ACYP2: variants seen among roughly 807,000 people sequenced by gnomAD.
ACYP2 encodes acylphosphatase 2.
Under a neutral mutation model 11.2 loss-of-function variants are expected in ACYP2, and 12 were observed. The ratio of observed to expected loss-of-function variants is 1.08; its 90% CI spans 0.69 to 1.74. The LOEUF is 1.74. Ranked by LOEUF, ACYP2 falls within the 40% of genes most tolerant of loss-of-function variation. The pLI, the probability that ACYP2 is intolerant of heterozygous loss-of-function variation, is 0.00. For synonymous variants in ACYP2, 43 were observed against 32.2 expected, an observed-to-expected ratio of 1.33 and a Z score of -1.13; for missense variants, 134 against 101.9, an observed-to-expected ratio of 1.31 and a Z score of -1.35.
intron 6 of ACYP2, among the ~76,000 whole-genome samples, chr2:54,187,938 T>C (rs1285898422): frequency 1.3e-5 from 2 of 152,186 alleles, no homozygotes; most frequent in African/African-American, 4.8e-5. Context: ...TACGTTTCTT[T>C]TCCTCTTCTG....
At chr2:54,075,126 C>A (rs1677259490) in intron 4 of ACYP2, among the ~76,000 whole-genome samples, 1 of 152,130 alleles carries the variant, frequency 6.6e-6, no homozygotes, top group South Asian at 2.1e-4. Context: ...TAGCTATTCA[C>A]AATAAAAGTT....
At chr2:54,294,862 G>C (rs1689456240) in intron 6 of ACYP2, among the ~76,000 whole-genome samples, 1 of 151,696 alleles carries the variant, frequency 6.6e-6, no homozygotes, top group Non-Finnish European at 1.5e-5. Flanking sequence ...GCCACAGTGA[G>C]TCATGATCAC....
At chr2:54,090,827 C>T (rs1030441935) in intron 4 of ACYP2, among the ~76,000 whole-genome samples, 10 of 152,264 alleles carry the variant, frequency 6.6e-5, no homozygotes, top group African/African-American at 1.4e-4. Flanking sequence ...ACTCCATGCA[C>T]GGGACTTCTT....
At chr2:54,249,884 T>G (rs980567284) in intron 6 of ACYP2, among the ~76,000 whole-genome samples, 1 of 135,772 alleles carries the variant, frequency 7.4e-6, no homozygotes. Context: ...GAGGCTGCAG[T>G]GAGCTGTGAT....
intron 6 of ACYP2, among the ~76,000 whole-genome samples, chr2:54,165,584 C>T (rs542680717): frequency 2.4e-4 from 35 of 146,866 alleles, no homozygotes; most frequent in African/African-American, 7.8e-4. Flanking sequence ...TTAGAGACAA[C>T]CAAAGTCTTC....
At chr2:54,001,695 A>G (rs538097114) in intron 2 of ACYP2, among the ~76,000 whole-genome samples, 1 of 152,318 alleles carries the variant, frequency 6.6e-6, no homozygotes, top group East Asian at 1.9e-4. Context: ...TGTCTAGCCA[A>G]AAATACTTAT....
chr2:54,065,780 G>A (rs1676713319), intron 4 of ACYP2: 3 of 333,096 alleles, frequency 9.0e-6, no homozygotes, highest in Admixed American at 9.6e-5. Flanking sequence ...CTATTTAAGA[G>A]CATTGTTTAA....
intron 2 of ACYP2, among the ~76,000 whole-genome samples, chr2:54,018,482 C>G (rs1052582682): frequency 6.6e-6 from 1 of 151,070 alleles, no homozygotes; most frequent in Non-Finnish European, 1.5e-5. Context: ...TTAATTGTTG[C>G]CAGATGAACA....
chr2:54,245,415 T>C (rs891577953), intron 6 of ACYP2, among the ~76,000 whole-genome samples: 1 of 152,208 alleles, frequency 6.6e-6, no homozygotes, highest in Non-Finnish European at 1.5e-5. Flanking sequence ...GGATTGTTGG[T>C]TCATATGGCA....
At chr2:54,073,828 A>G (rs1362058050) in intron 4 of ACYP2, among the ~76,000 whole-genome samples, 2 of 152,260 alleles carry the variant, frequency 1.3e-5, no homozygotes, top group African/African-American at 4.8e-5. Flanking sequence ...AAAACTACAA[A>G]GAGATACCAC....
chr2:54,230,833 T>C (rs1295600595), intron 6 of ACYP2, among the ~76,000 whole-genome samples: 5 of 145,870 alleles, frequency 3.4e-5, no homozygotes, highest in East Asian at 1.9e-4. Flanking sequence ...TCTTTTCTTT[T>C]TTTTTTTTTT....
intron 3 of ACYP2, among the ~76,000 whole-genome samples, chr2:54,056,436 G>A (rs1676154890): frequency 6.6e-6 from 1 of 152,194 alleles, no homozygotes; most frequent in Non-Finnish European, 1.5e-5. Flanking sequence ...TGCTCACTGA[G>A]TTTAACAGAA....
At chr2:54,047,815 A>T (rs1247842419) in intron 2 of ACYP2, among the ~76,000 whole-genome samples, 1 of 152,230 alleles carries the variant, frequency 6.6e-6, no homozygotes, top group African/African-American at 2.4e-5. Context: ...TATCATGAAC[A>T]TTCTACTTAG....
In ACYP2 at chr2:54,197,549, T is replaced by C. The variant is rs62138038; in HGVS notation, c.404+58801T>C. Among the ~76,000 whole-genome samples the C allele has an allele frequency of 1.7e-3, 265 of 152,270 alleles. 3 individuals carry two copies. Among genetic ancestry groups the C allele is most frequent in the South Asian group, 9.1e-3 (44 of 4,818 alleles). On this transcript the variant is annotated intron_variant, in intron 6 of 6. Coordinates refer to ENST00000607452, the MANE Select transcript of ACYP2 (RefSeq NM_001320586.2). The stretch of plus-strand genomic sequence containing the variant: ...CTCTGAGAAGACAGAACGAAGGTTG[T>C]GTGACAGGAGTGCTTGGGGAACTCC...
At chr2:54,260,757 A>T (rs1461464737) in intron 6 of ACYP2, among the ~76,000 whole-genome samples, 2 of 152,192 alleles carry the variant, frequency 1.3e-5, no homozygotes, top group East Asian at 3.9e-4. Flanking sequence ...GACAGAGGAT[A>T]GGGTAAGGTC....
intron 2 of ACYP2, among the ~76,000 whole-genome samples, chr2:53,978,426 A>T (rs1671598826): frequency 6.6e-6 from 1 of 152,190 alleles, no homozygotes; most frequent in South Asian, 2.1e-4. Flanking sequence ...GTACAGCATA[A>T]TGATGTTTTG....
intron 2 of ACYP2, chr2:53,975,278 G>A (rs1573421815): frequency 2.5e-6 from 1 of 397,748 alleles, no homozygotes; most frequent in Non-Finnish European, 4.4e-6. Flanking sequence ...GAGCTCCCTA[G>A]AAACAAACAT....
intron 2 of ACYP2, chr2:53,975,404 G>A (rs978565826): frequency 1.5e-5 from 6 of 395,838 alleles, no homozygotes; most frequent in African/African-American, 1.2e-4. Flanking sequence ...GAGAAAGTTA[G>A]AAGACCTTTC....
intron 2 of ACYP2, among the ~76,000 whole-genome samples, chr2:53,993,414 A>G (rs904292611): frequency 2.0e-5 from 3 of 152,054 alleles, no homozygotes; most frequent in African/African-American, 2.4e-5. Context: ...TGAATCATAG[A>G]TTTGGGAATC....
Sources: allele counts gnomAD v4.1 joint callset (sites outside exome capture counted in the v4.1 genomes callset), GRCh38; gene constraint gnomAD v4.1.1; transcripts MANE v1.5; gene names NCBI Gene and HGNC (gene_info 2026-07-23, HGNC 2026-07-21).